The following CPD variants were observed in gnomAD, a reference collection of about 807,000 sequenced individuals.
The protein encoded by CPD is carboxypeptidase D.
CPD carries 69 observed loss-of-function variants against 138.3 expected under a neutral mutation model. That is an observed-to-expected ratio of 0.50 (90% CI 0.41 to 0.61). The LOEUF (loss-of-function observed/expected upper bound fraction) is 0.61, where lower values mean the gene tolerates loss of function less well. Ranked by LOEUF, CPD falls within the 20% of genes least tolerant of loss-of-function variation. The probability of loss-of-function intolerance (pLI) is 0.00; values close to 1 mark genes in which losing one functional copy is unlikely to be tolerated. For missense variants in CPD, 1,432 were observed against 1,733.3 expected, an observed-to-expected ratio of 0.83 and a Z score of 3.09; for synonymous variants, 651 against 642.1, an observed-to-expected ratio of 1.01 and a Z score of -0.21.
rs1190892424 is a variant in CPD, at chr17:30,423,429, A to G, written c.1658-77A>G. On this transcript the variant is annotated intron_variant, in intron 5 of 20. Transcript: ENST00000225719. The stretch of plus-strand genomic sequence containing the variant: ...AAAAATTTTTTAGTATAGGATTTAT[A>G]TATGTTGCGGAAAAAAACTGAGTCC... The G allele has an allele frequency of 5.4e-6, 6 of 1,114,240 alleles. 1 individual carries two copies. Among genetic ancestry groups the G allele is most frequent in the African/African-American group, 3.3e-5 (2 of 60,536 alleles). The allele number at this position is 1,114,240 out of a possible 1,614,324, so 69.0% of individuals were successfully genotyped here.
intron 20 of CPD, 105 bp downstream of exon 20, chr17:30,462,574 T>C: frequency 1.4e-6 from 1 of 713,690 alleles, no homozygotes; most frequent in Non-Finnish European, 2.4e-6. Flanking sequence ...TAATCACTTG[T>C]CTTCTAATGT....
chr17:30,379,707 G>A lies in CPD; in HGVS notation c.727G>A (p.Glu243Lys). 6.7e-7 allele frequency: 1 copy of A among 1,501,132 alleles called. No individual in the cohort carries two copies. Among genetic ancestry groups the A allele is most frequent in the Non-Finnish European group, 8.7e-7 (1 of 1,143,798 alleles). 93.0% of individuals were successfully genotyped at this position (1,501,132 alleles called of 1,614,324 possible). ...DEVPEVRALI[E>K]WIRRNKFVLS... ...GGTGCCCGAGGTGCGCGCCCTCATC[G>A]AGTGGATCCGCAGGAACAAGTGAGT... Residue 243 changes from glutamate (E) to lysine (K), a missense_variant, in exon 1 of 21, where the codon GAG (glutamate) becomes AAG (lysine). By Grantham distance (56) the Glu-to-Lys change is moderately conservative (BLOSUM62 1). This residue lies in a region of CPD where 484 missense variants were observed against 477.2 expected (regional missense o/e 1.01). Coordinates refer to ENST00000225719, the MANE Select transcript of CPD (RefSeq NM_001304.5). The surrounding 1 kb of genome is among the most constrained non-coding windows in gnomAD (Gnocchi z 7.0).
At position 30,449,573 on chromosome 17, in the gene CPD, A is replaced by G; in HGVS notation, c.2894A>G (p.Tyr965Cys). 5.6e-6 allele frequency: 9 copies of G among 1,599,052 alleles called. No individual in the cohort carries two copies. Among genetic ancestry groups the G allele is most frequent in the Non-Finnish European group, 6.0e-6 (7 of 1,176,306 alleles). ...GAAAGTTTGGGACAGAGCACTGAAT[A>G]TCGTCACATTTGGTCCCTTGAAATC... ...NLTNLGQSTE[Y>C]RHIWSLEISN... is the part of the protein sequence containing the mutation. Residue 965 changes from tyrosine to cysteine, a missense_variant, in exon 13 of 21, where the codon TAT (tyrosine) becomes TGT (cysteine). Tyr to Cys is a radical substitution (Grantham distance 194). Around this residue, in one of 6 missense-constraint regions of CPD, gnomAD observed 366 missense variants for 518.8 expected, o/e 0.71. Coordinates refer to ENST00000225719, the MANE Select transcript of CPD (RefSeq NM_001304.5).
intron 8 of CPD, among the ~76,000 whole-genome samples, chr17:30,438,503 G>T (rs964493743): frequency 6.6e-6 from 1 of 152,124 alleles, no homozygotes; most frequent in Non-Finnish European, 1.5e-5. Context: ...TTGTAATAGG[G>T]TAAGATAATT....
chr17:30,413,467 C>G (rs1035522752), intron 2 of CPD, among the ~76,000 whole-genome samples: 6 of 152,216 alleles, frequency 3.9e-5, no homozygotes, highest in African/African-American at 1.4e-4. Flanking sequence ...TGCAAATATT[C>G]TGAGAAGTCA....
At position 30,465,399 on chromosome 17, in the gene CPD, T is replaced by C. The variant is rs1913609289; in HGVS notation, c.*585T>C. 1 of 153,386 alleles carries C rather than the reference T, an allele frequency of 6.5e-6. No individual in the cohort carries two copies. Among genetic ancestry groups the C allele is most frequent in the Non-Finnish European group, 1.5e-5 (1 of 68,626 alleles). The allele number at this position is 153,386 out of a possible 1,614,324, so 9.5% of individuals were successfully genotyped here. A position where few individuals can be genotyped will look rare whatever the true frequency, so the allele number is the denominator to read the frequency against. On this transcript the variant is annotated 3_prime_UTR_variant, in exon 21 of 21. Coordinates refer to ENST00000225719, the MANE Select transcript of CPD (RefSeq NM_001304.5). ...GCTTCTGCATTTGGCTTTCTACCTGTTCCAAGGCTAGATCGGAACTGGTAG... is the reference window on the plus strand; with the variant it reads ...GCTTCTGCATTTGGCTTTCTACCTGCTCCAAGGCTAGATCGGAACTGGTAG...
At chr17:30,459,001 C>T (rs970268328) in intron 17 of CPD, among the ~76,000 whole-genome samples, 5 of 151,754 alleles carry the variant, frequency 3.3e-5, no homozygotes, top group Non-Finnish European at 5.9e-5. Flanking sequence ...GTTGTGTCAG[C>T]ACTATTTGTT....
At chr17:30,417,238 AAAAG>A (rs1213418053) in intron 2 of CPD, among the ~76,000 whole-genome samples, 1 of 152,200 alleles carries the variant, frequency 6.6e-6, no homozygotes, top group Non-Finnish European at 1.5e-5. Flanking sequence ...TTTAAATTTT[AAAAG>A]AATGTTACGA....
rs111693475 is a variant in CPD, at chr17:30,432,010, C to T, written c.2127+129C>T. ...AAAGCATGACTTTTTCAGCTGTTTCCGAAAAATAGCTTTTTCTCCTGTTTC... is the reference window on the plus strand; with the variant it reads ...AAAGCATGACTTTTTCAGCTGTTTCTGAAAAATAGCTTTTTCTCCTGTTTC... On this transcript the variant is annotated intron_variant, in intron 8 of 20. Coordinates refer to ENST00000225719, the MANE Select transcript of CPD (RefSeq NM_001304.5). 2,617 of 637,808 alleles carry T rather than the reference C, an allele frequency of 4.1e-3. 57 individuals are homozygous for T. The African/African-American group carries it at 0.042, about 10-fold the overall frequency. The allele number at this position is 637,808 out of a possible 1,614,324, so 39.5% of individuals were successfully genotyped here.
At position 30,469,960 on chromosome 17, in the gene CPD, C is replaced by G. The variant is rs933735699; in HGVS notation, c.*5146C>G. The G allele has an allele frequency of 3.9e-5, 6 of 151,968 alleles. No individual in the cohort carries two copies. Among genetic ancestry groups the G allele is most frequent in the Non-Finnish European group, 8.8e-5 (6 of 67,980 alleles). 9.4% of individuals were successfully genotyped at this position (151,968 alleles called of 1,614,324 possible). A position where few individuals can be genotyped will look rare whatever the true frequency, so the allele number is the denominator to read the frequency against. On this transcript the variant is annotated 3_prime_UTR_variant, in exon 21 of 21. Transcript: ENST00000225719. ...CAGATTTATAATAGCTGATTGTTCT[C>G]AGCAAATTAAACATGATGGTCAACG... is the stretch of plus-strand genomic sequence containing the variant.
chr17:30,392,794 C>T (rs774109178), intron 2 of CPD, among the ~76,000 whole-genome samples: 34 of 152,172 alleles, frequency 2.2e-4, no homozygotes, highest in Non-Finnish European at 4.1e-4. Flanking sequence ...CAGTTATTTG[C>T]AGTGAGGACT....
chr17:30,413,533 T>A (rs1232689770), intron 2 of CPD, among the ~76,000 whole-genome samples: 1 of 152,196 alleles, frequency 6.6e-6, no homozygotes, highest in African/African-American at 2.4e-5. Context: ...ACTTAATGCT[T>A]TAAGAACAAA....
At position 30,445,737 on chromosome 17, in the gene CPD, A is replaced by C. The variant is rs61733802; in HGVS notation, c.2590A>C (p.Ile864Leu). ...KNVTVKSEGA[I>L]QVNFTLVRSS... ...TGTGACTGTCAAGAGTGAAGGCGCT[A>C]TTCAGGTCAACTTCACACTTGTTCG... is the stretch of plus-strand genomic sequence containing the variant. The change falls in exon 12 of 21, where the codon ATT becomes CTT. Residue 864 changes from isoleucine (I) to leucine (L), a missense_variant. By Grantham distance (5) the Ile-to-Leu change is conservative. Around this residue, in one of 6 missense-constraint regions of CPD, gnomAD observed 124 missense variants for 117.0 expected, o/e 1.06. Transcript: ENST00000225719. 1 of 1,613,394 alleles carries C rather than the reference A, an allele frequency of 6.2e-7. No individual in the cohort carries two copies.
chr17:30,427,337 A>G (rs1042844023), intron 6 of CPD, 54 bp from the exon 7 acceptor site: 2 of 1,543,008 alleles, frequency 1.3e-6, no homozygotes, highest in African/African-American at 1.4e-5. Context: ...TACGTGTTGG[A>G]ATAAAATATA....
At chr17:30,413,648 A>G (rs1337451475) in intron 2 of CPD, among the ~76,000 whole-genome samples, 4 of 152,226 alleles carry the variant, frequency 2.6e-5, no homozygotes, top group African/African-American at 7.2e-5. Context: ...ATGTCCATCA[A>G]TGGGCATAAC....
chr17:30,387,238 C>T (rs1164629321), intron 2 of CPD, among the ~76,000 whole-genome samples: 1 of 152,182 alleles, frequency 6.6e-6, no homozygotes, highest in Non-Finnish European at 1.5e-5. Flanking sequence ...CAGCCTCAGC[C>T]TCCCAAGTAG....
At position 30,422,749 on chromosome 17, in the gene CPD, A is replaced by T. The variant is rs1912299540; in HGVS notation, c.1383A>T (p.Pro461=). ...CAGAGGTGGATTTTTCTCTTAGGCC[A>T]ACTGTAACTTCAGTAATCCCTGACA... The part of the protein sequence containing the change: ...PATEVDFSLR[P]TVTSVIPDTT... The change falls in exon 5 of 21, where the codon CCA becomes CCT. Residue 461 remains proline (P), a synonymous_variant. Coordinates refer to ENST00000225719, the MANE Select transcript of CPD (RefSeq NM_001304.5). 1.9e-6 allele frequency: 3 copies of T among 1,613,968 alleles called. No homozygotes were observed. The South Asian group carries it at 3.3e-5, about 18-fold the overall frequency.
chr17:30,433,887 C>T (rs755337701), intron 8 of CPD, among the ~76,000 whole-genome samples: 12 of 152,150 alleles, frequency 7.9e-5, no homozygotes, highest in Non-Finnish European at 1.6e-4. Flanking sequence ...CAATATTCTC[C>T]TCCATTTCTT....
rs1375080188 is a variant in CPD at position 30,466,642 on chromosome 17, T to C, written c.*1828T>C. The C allele has an allele frequency of 6.6e-6, 1 of 152,624 alleles. No homozygotes were observed. The highest frequency in any genetic ancestry group is 1.5e-5 in the Non-Finnish European group (1 of 68,012). The allele number at this position is 152,624 out of a possible 1,614,324, so 9.5% of individuals were successfully genotyped here. Reference sequence around the variant, plus strand: ...GGTGTATTGCTCTTTTTCAGCTTTATTTTTAAGAGTACAGTCAGGAAACCA... The same window carrying C: ...GGTGTATTGCTCTTTTTCAGCTTTACTTTTAAGAGTACAGTCAGGAAACCA... On this transcript the variant is annotated 3_prime_UTR_variant, in exon 21 of 21. Transcript: ENST00000225719.
Sources: allele counts gnomAD v4.1 joint callset (sites outside exome capture counted in the v4.1 genomes callset), GRCh38; gene constraint gnomAD v4.1.1; regional missense constraint gnomAD v4.1.1; non-coding constraint Gnocchi (gnomAD v3.1); transcripts MANE v1.5; gene names NCBI Gene and HGNC (gene_info 2026-07-23, HGNC 2026-07-21).